TMOD2: variants seen among roughly 807,000 people sequenced by gnomAD.
The protein encoded by TMOD2 is tropomodulin 2.
Under a neutral mutation model 39.9 loss-of-function variants are expected in TMOD2, and 22 were observed. The ratio of observed to expected loss-of-function variants is 0.55; its 90% CI spans 0.39 to 0.79. The LOEUF (loss-of-function observed/expected upper bound fraction) is 0.79, where lower values mean the gene tolerates loss of function less well. Among genes scored for constraint, TMOD2 ranks in the 30% least tolerant of loss-of-function variants. The probability of loss-of-function intolerance (pLI) is 0.00; values close to 1 mark genes in which losing one functional copy is unlikely to be tolerated. For synonymous variants in TMOD2, 123 were observed against 146.1 expected, an observed-to-expected ratio of 0.84 and a Z score of 1.14; for missense variants, 386 against 413.3, an observed-to-expected ratio of 0.93 and a Z score of 0.57.
At chr15:51,773,276 A>T (rs1282514984) in intron 3 of TMOD2, among the ~76,000 whole-genome samples, 1 of 152,196 alleles carries the variant, frequency 6.6e-6, no homozygotes, top group African/African-American at 2.4e-5. Context: ...AGTGTGGTAT[A>T]GAAAGTGGCC....
intron 7 of TMOD2, among the ~76,000 whole-genome samples, chr15:51,793,500 C>T (rs1361046329): frequency 1.3e-5 from 2 of 152,200 alleles, no homozygotes; most frequent in Admixed American, 6.5e-5. Flanking sequence ...CAGAAATTTG[C>T]ATTTCCATAC....
chr15:51,775,670 G>A (rs8027721), intron 4 of TMOD2, among the ~76,000 whole-genome samples: 9 of 146,600 alleles, frequency 6.1e-5, no homozygotes, highest in Non-Finnish European at 1.0e-4. Flanking sequence ...CTCCACCTCC[G>A]GAGTTCAAGC....
chr15:51,782,609 G>A (rs1567241194), intron 6 of TMOD2, 112 bp from the exon 7 acceptor site: 2 of 805,220 alleles, frequency 2.5e-6, no homozygotes, highest in East Asian at 2.6e-5. Context: ...ATTTAGAAGG[G>A]ATATCGTGTA....
chr15:51,768,437 G>A lies in TMOD2; in HGVS notation c.283+19G>A. 6.2e-7 allele frequency: 1 copy of A among 1,606,428 alleles called. No homozygotes were observed. The highest frequency in any genetic ancestry group is 8.5e-7 in the Non-Finnish European group (1 of 1,177,138). ...AAGAAAGGTAAGGACCACAGGCAGA[G>A]CATCTTGGAACAGAGGTTCTCTCTT... On this transcript the variant is annotated intron_variant, in intron 3 of 9. Transcript: ENST00000249700.
intron 7 of TMOD2, among the ~76,000 whole-genome samples, chr15:51,786,021 A>G (rs1428719942): frequency 6.6e-6 from 1 of 152,122 alleles, no homozygotes; most frequent in Non-Finnish European, 1.5e-5. Context: ...AAATAGAGGG[A>G]CCACAGGAAG....
chr15:51,770,500 A>G (rs373245685), intron 3 of TMOD2, among the ~76,000 whole-genome samples: 2 of 152,226 alleles, frequency 1.3e-5, no homozygotes, highest in East Asian at 3.9e-4. Context: ...CATCTCAGAA[A>G]TCTGTACTGC....
At chr15:51,775,300 G>T (rs1328733206) in intron 4 of TMOD2, among the ~76,000 whole-genome samples, 1 of 152,170 alleles carries the variant, frequency 6.6e-6, no homozygotes, top group Non-Finnish European at 1.5e-5. Context: ...AACTGTGGGA[G>T]CTCTGGACTG....
At chr15:51,765,840 A>C (rs775496735) in intron 1 of TMOD2, among the ~76,000 whole-genome samples, 2 of 152,252 alleles carry the variant, frequency 1.3e-5, no homozygotes. Context: ...GAGTTACTGG[A>C]CAATGCTTTC....
intron 1 of TMOD2, 144 bp from the exon 2 acceptor site, chr15:51,766,229 T>C: frequency 4.9e-6 from 2 of 404,428 alleles, no homozygotes; most frequent in Non-Finnish European, 8.8e-6. Flanking sequence ...CAGGTTGCTC[T>C]GCAAATGAAG....
rs565768051 is a variant in TMOD2, at chr15:51,773,394, G to T, written c.284-318G>T. Among the ~76,000 whole-genome samples, 48 of 152,196 alleles carry T rather than the reference G, an allele frequency of 3.2e-4. 1 individual carries two copies. The highest frequency in any genetic ancestry group is 4.6e-4 in the Non-Finnish European group (31 of 68,034). ...GGGTTCTCTAAAGTGCACGACTCAG[G>T]GCAGGGCCTCTCCTGCCCAGACCCA... On this transcript the variant is annotated intron_variant, in intron 3 of 9. Transcript: ENST00000249700.
At chr15:51,806,669 G>A (rs949459528) in intron 9 of TMOD2, 148 bp downstream of exon 9, 2 of 832,366 alleles carry the variant, frequency 2.4e-6, no homozygotes, top group Non-Finnish European at 3.7e-6. Context: ...ATAATACATG[G>A]TCATAGGAGT....
chr15:51,786,703 A>G (rs1464007918), intron 7 of TMOD2, among the ~76,000 whole-genome samples: 2 of 152,266 alleles, frequency 1.3e-5, no homozygotes, highest in African/African-American at 4.8e-5. Flanking sequence ...AACCACATCT[A>G]TAGCAACTGA....
chr15:51,780,309 T>C (rs1424025331), intron 5 of TMOD2, among the ~76,000 whole-genome samples: 1 of 152,226 alleles, frequency 6.6e-6, no homozygotes, highest in African/African-American at 2.4e-5. Flanking sequence ...TTTCTCCACA[T>C]TGTTGCCAAC....
In TMOD2 at chr15:51,800,535, C is replaced by CAA. The variant is rs918943004; in HGVS notation, c.876+2204_876+2205dup. On this transcript the variant is annotated intron_variant, in intron 8 of 9. Transcript: ENST00000249700. ...TGGGTGACAGAGCAAGACCGTGTCTCAAAAAAAAAACAAAACCCTGAAGTA... is the reference window on the plus strand; with the variant it reads ...TGGGTGACAGAGCAAGACCGTGTCTCAAAAAAAAAAAACAAAACCCTGAAGTA... 1.0e-4 allele frequency among the ~76,000 whole-genome samples: 15 copies of CAA among 145,406 alleles called. No homozygotes were observed. The East Asian group carries it at 2.4e-3, about 23-fold the overall frequency.
chr15:51,802,520 G>C (rs1002924162), intron 8 of TMOD2, among the ~76,000 whole-genome samples: 4 of 152,222 alleles, frequency 2.6e-5, no homozygotes, highest in African/African-American at 9.6e-5. Flanking sequence ...CCAGCTACTT[G>C]GAGAGGAGGG....
intron 7 of TMOD2, among the ~76,000 whole-genome samples, chr15:51,786,766 A>G (rs1264331151): frequency 6.6e-6 from 1 of 152,246 alleles, no homozygotes; most frequent in Non-Finnish European, 1.5e-5. Context: ...GCCCAAATAT[A>G]TTTAAAATGC....
chr15:51,815,376 A>C lies in TMOD2; in HGVS notation c.*6922A>C, dbSNP rs2056182848. ...ACACAGCATTTTTTTGTAGGCTCTT[A>C]TTTAAAATGTGTGTGTGTGTGTGTA... On this transcript the variant is annotated 3_prime_UTR_variant, in exon 10 of 10. Coordinates refer to ENST00000249700, the MANE Select transcript of TMOD2 (RefSeq NM_014548.4). 2.0e-5 allele frequency: 3 copies of C among 152,202 alleles called. No individual in the cohort carries two copies. The allele number at this position is 152,202 out of a possible 1,614,324, so 9.4% of individuals were successfully genotyped here.
chr15:51,760,110 G>A (rs1431866467), intron 1 of TMOD2, among the ~76,000 whole-genome samples: 1 of 152,232 alleles, frequency 6.6e-6, no homozygotes, highest in African/African-American at 2.4e-5. Flanking sequence ...ACAGAAGACA[G>A]CCAGAACAAT....
At chr15:51,789,169 A>G (rs1038638577) in intron 7 of TMOD2, among the ~76,000 whole-genome samples, 1 of 152,236 alleles carries the variant, frequency 6.6e-6, no homozygotes, top group Non-Finnish European at 1.5e-5. Context: ...AGGAAGATCT[A>G]CCAAGCAAAT....
Sources: gnomAD v4.1 joint callset for allele counts (sites outside exome capture counted in the v4.1 genomes callset) on GRCh38, gnomAD v4.1.1 for gene constraint, MANE v1.5 for transcripts, NCBI Gene and HGNC (gene_info 2026-07-23, HGNC 2026-07-21) for gene names.